SHC3: variants seen among roughly 807,000 people sequenced by gnomAD.
SHC3 encodes SHC-transforming protein 3.
A neutral mutation model predicts 60.4 loss-of-function variants in SHC3; 15 were observed. The observed-to-expected ratio is 0.25, with a 90% CI of 0.17 to 0.38. SHC3 has a LOEUF of 0.38. Ranked by LOEUF, SHC3 falls within the 10% of genes least tolerant of loss-of-function variation. SHC3 has a pLI of 1.00. For missense variants in SHC3, 677 were observed against 786.1 expected, an observed-to-expected ratio of 0.86 and a Z score of 1.66; for synonymous variants, 294 against 325.9, an observed-to-expected ratio of 0.90 and a Z score of 1.05.
Position 89,147,176 on chromosome 9 carries a change from T to A in SHC3, c.474+30811A>T, listed in dbSNP as rs9776649. On this transcript the variant is annotated intron_variant, in intron 1 of 11. Transcript: ENST00000375835. ...GTAACTGGCAAAATAAAAAAAAAAT[T>A]AAAAAAAAAAAGCCCTTCAACCCTC... Among the ~76,000 whole-genome samples the A allele has an allele frequency of 7.0e-4, 97 of 138,188 alleles. 2 individuals carry two copies. Among genetic ancestry groups the A allele is most frequent in the Middle Eastern group, 7.3e-3 (2 of 274 alleles). 90.7% of individuals were successfully genotyped at this position (138,188 alleles called of 152,430 possible).
At chr9:89,097,888 C>T (rs1825728764) in intron 2 of SHC3, among the ~76,000 whole-genome samples, 1 of 152,146 alleles carries the variant, frequency 6.6e-6, no homozygotes, top group African/African-American at 2.4e-5. Flanking sequence ...TGAGAAAATG[C>T]TTATGATTGA....
intron 3 of SHC3, 122 bp from the exon 4 acceptor site, chr9:89,075,350 C>A: frequency 7.6e-7 from 1 of 1,320,910 alleles, no homozygotes; most frequent in East Asian, 2.4e-5. Flanking sequence ...CATAAGAAGA[C>A]AAAATGTGAA....
At chr9:89,052,292 G>A (rs577183134) in intron 6 of SHC3, 129 bp from the exon 7 acceptor site, 369 of 1,138,486 alleles carry the variant, frequency 3.2e-4, no homozygotes, top group Non-Finnish European at 4.3e-4. Flanking sequence ...TGTCCTAGCA[G>A]ATCCAACCAC....
At chr9:89,028,691 ATATC>A (rs1222740690) in intron 11 of SHC3, among the ~76,000 whole-genome samples, 3 of 145,190 alleles carry the variant, frequency 2.1e-5, no homozygotes. Flanking sequence ...GAGATAATCT[ATATC>A]TATATATTCT....
At position 89,064,203 on chromosome 9, in the gene SHC3, G is replaced by A. The variant is rs117602015; in HGVS notation, c.835+1326C>T. Among the ~76,000 whole-genome samples, 34 of 152,272 alleles carry A rather than the reference G, an allele frequency of 2.2e-4. No individual in the cohort carries two copies. The East Asian group carries it at 6.0e-3, about 27-fold the overall frequency. On this transcript the variant is annotated intron_variant, in intron 6 of 11. Coordinates refer to ENST00000375835, the MANE Select transcript of SHC3 (RefSeq NM_016848.6). ...ATTAATGCAATACCATCATATTGGG[G>A]GTTTCTATTTTAACATATAAATTTG...
Position 89,010,418 on chromosome 9 carries a change from A to T in SHC3, c.*3029T>A, listed in dbSNP as rs1276743843. The T allele has an allele frequency of 1.3e-5, 2 of 152,232 alleles. No homozygotes were observed. Among genetic ancestry groups the T allele is most frequent in the Non-Finnish European group, 2.9e-5 (2 of 68,046 alleles). 9.4% of individuals were successfully genotyped at this position (152,232 alleles called of 1,614,324 possible). On this transcript the variant is annotated 3_prime_UTR_variant, in exon 12 of 12. Transcript: ENST00000375835. ...GAGGCCCAGCCGGCCTCCGTGGGAC[A>T]GAGATGTCATTTGAAGCACAGCTGA...
At chr9:89,142,265 G>A (rs1826404120) in intron 1 of SHC3, among the ~76,000 whole-genome samples, 1 of 152,132 alleles carries the variant, frequency 6.6e-6, no homozygotes, top group Admixed American at 6.6e-5. Context: ...CTTTTATTAA[G>A]AGGGGCCTTT....
chr9:89,072,775 T>G (rs1825295235), intron 4 of SHC3, among the ~76,000 whole-genome samples: 1 of 152,220 alleles, frequency 6.6e-6, no homozygotes, highest in South Asian at 2.1e-4. Context: ...CAGAGTCCCC[T>G]TGGGCCCTTG....
At chr9:89,105,829 G>C (rs80168818) in intron 2 of SHC3, among the ~76,000 whole-genome samples, 2,034 of 152,256 alleles carry the variant, frequency 0.013, 20 homozygotes, top group South Asian at 0.034. Flanking sequence ...AATAACTTCA[G>C]TTTGTTGCAT....
intron 2 of SHC3, among the ~76,000 whole-genome samples, chr9:89,090,064 G>C (rs1486239939): frequency 6.6e-6 from 1 of 152,236 alleles, no homozygotes; most frequent in Non-Finnish European, 1.5e-5. Flanking sequence ...ATCACGGTCA[G>C]CGAGGCCCTG....
At chr9:89,114,355 C>G (rs542199485) in intron 1 of SHC3, among the ~76,000 whole-genome samples, 24 of 152,016 alleles carry the variant, frequency 1.6e-4, no homozygotes, top group African/African-American at 5.8e-4. Context: ...AATACCTGTC[C>G]CCCCATGGAC....
chr9:89,112,634 G>A lies in SHC3; in HGVS notation c.475-8C>T, dbSNP rs902544329. Reference sequence around the variant, plus strand: ...TTCAATGCACCCCAAGTACTGCAAGGGGAAAAAATGTAAATCGTGAGCCCT... The same window carrying A: ...TTCAATGCACCCCAAGTACTGCAAGAGGAAAAAATGTAAATCGTGAGCCCT... On this transcript the variant is annotated splice_region_variant and splice_polypyrimidine_tract_variant and intron_variant, in intron 1 of 11. Coordinates refer to ENST00000375835, the MANE Select transcript of SHC3 (RefSeq NM_016848.6). 8.9e-6 allele frequency: 14 copies of A among 1,576,888 alleles called. No homozygotes were observed. The highest frequency in any genetic ancestry group is 6.9e-5 in the African/African-American group (5 of 72,412).
At chr9:89,168,536 T>C (rs1238245906) in intron 1 of SHC3, among the ~76,000 whole-genome samples, 1 of 152,216 alleles carries the variant, frequency 6.6e-6, no homozygotes, top group African/African-American at 2.4e-5. Flanking sequence ...CAGGCAAGTT[T>C]ATTTGATCAT....
At chr9:89,042,312 T>G in intron 9 of SHC3, 128 bp from the exon 10 acceptor site, 1 of 1,013,176 alleles carries the variant, frequency 9.9e-7, no homozygotes, top group South Asian at 2.1e-5. Flanking sequence ...ATGGGTGATA[T>G]TCTCCTCTTC....
chr9:89,108,623 C>T (rs1368174974), intron 2 of SHC3, among the ~76,000 whole-genome samples: 1 of 152,112 alleles, frequency 6.6e-6, no homozygotes, highest in East Asian at 1.9e-4. Context: ...TAATTGAAAT[C>T]TAATTTACGG....
At chr9:89,062,545 T>C (rs921268041) in intron 6 of SHC3, among the ~76,000 whole-genome samples, 8 of 152,112 alleles carry the variant, frequency 5.3e-5, no homozygotes, top group African/African-American at 1.2e-4. Context: ...CATATAAGAA[T>C]ATAGAAGCAA....
At chr9:89,137,583 A>G (rs1366055395) in intron 1 of SHC3, among the ~76,000 whole-genome samples, 1 of 152,208 alleles carries the variant, frequency 6.6e-6, no homozygotes, top group Non-Finnish European at 1.5e-5. Flanking sequence ...AGCAAACTGC[A>G]CTATTATTAA....
intron 2 of SHC3, among the ~76,000 whole-genome samples, chr9:89,085,290 G>A (rs997190091): frequency 8.5e-5 from 13 of 152,204 alleles, no homozygotes; most frequent in Admixed American, 3.9e-4. Flanking sequence ...ACTGAACCAC[G>A]TAAACCTGGG....
At chr9:89,111,557 C>T (rs562571399) in intron 2 of SHC3, among the ~76,000 whole-genome samples, 26 of 150,954 alleles carry the variant, frequency 1.7e-4, no homozygotes, top group Admixed American at 1.6e-3. Context: ...TCACAACTTA[C>T]ATGTCTCAAG....
Sources: allele counts gnomAD v4.1 joint callset (sites outside exome capture counted in the v4.1 genomes callset), GRCh38; gene constraint gnomAD v4.1.1; transcripts MANE v1.5; gene names NCBI Gene and HGNC (gene_info 2026-07-23, HGNC 2026-07-21).